MEAF6: variants seen among roughly 807,000 people sequenced by gnomAD.
The protein encoded by MEAF6 is chromatin modification-related protein MEAF6.
Under a neutral mutation model 28.9 loss-of-function variants are expected in MEAF6, and 15 were observed. The observed-to-expected ratio is 0.52, with a 90% CI of 0.35 to 0.80. MEAF6 has a LOEUF of 0.80. Among genes scored for constraint, MEAF6 ranks in the 30% least tolerant of loss-of-function variants. The pLI is 0.01. For synonymous variants in MEAF6, 97 were observed against 88.7 expected (o/e 1.09, Z -0.53); for missense variants, 178 against 237.5 (o/e 0.75, Z 1.65).
intron 5 of MEAF6, among the ~76,000 whole-genome samples, chr1:37,497,064 T>G (rs1176518021): frequency 6.6e-6 from 1 of 152,176 alleles, no homozygotes; most frequent in Non-Finnish European, 1.5e-5. Context: ...AATTAGGGCA[T>G]TAGAAGAAAC....
chr1:37,496,475 T>C (rs1642131400), intron 5 of MEAF6: 2 of 785,232 alleles, frequency 2.5e-6, no homozygotes, highest in Non-Finnish European at 3.6e-6. Context: ...AGGTTATCTA[T>C]TTTAAAAGAA....
rs546993660 is a variant in MEAF6, at chr1:37,499,295, T to A, written c.533+2509A>T. The stretch of plus-strand genomic sequence containing the variant: ...TACTCAAACATTTGCTGAAATAATT[T>A]ATTATTGACTCATCTCACTATATGG... On this transcript the variant is annotated intron_variant, in intron 5 of 6. Transcript: ENST00000296214. Among the ~76,000 whole-genome samples, 6 of 152,312 alleles carry A rather than the reference T, an allele frequency of 3.9e-5. No individual in the cohort carries two copies. The South Asian group carries it at 1.2e-3, about 32-fold the overall frequency.
chr1:37,498,872 C>T (rs189447857), intron 5 of MEAF6, among the ~76,000 whole-genome samples: 2 of 151,998 alleles, frequency 1.3e-5, no homozygotes, highest in African/African-American at 4.8e-5. Context: ...TATATTCTGG[C>T]GGGGTGTGGT....
At chr1:37,502,490 G>C (rs1001118570) in intron 4 of MEAF6, among the ~76,000 whole-genome samples, 16 of 151,458 alleles carry the variant, frequency 1.1e-4, no homozygotes, top group East Asian at 3.9e-4. Flanking sequence ...AAAAAAGGGG[G>C]GGCCAAAGAG....
At chr1:37,504,800 T>TACACAC (rs143477333) in intron 4 of MEAF6, among the ~76,000 whole-genome samples, 2,105 of 135,150 alleles carry the variant, frequency 0.016, 35 homozygotes, top group Non-Finnish European at 0.019. Context: ...AAAATTTATA[T>TACACAC]ACACACACAC....
intron 6 of MEAF6, 55 bp downstream of exon 6, chr1:37,495,830 T>C (rs1642116239): frequency 3.2e-6 from 5 of 1,568,692 alleles, no homozygotes; most frequent in Non-Finnish European, 3.5e-6. Flanking sequence ...AAATACATTT[T>C]TCTAATCATC....
At chr1:37,501,480 C>T (rs531273521) in intron 5 of MEAF6, 34 of 205,362 alleles carry the variant, frequency 1.7e-4, no homozygotes, top group Non-Finnish European at 2.8e-4. Flanking sequence ...TTTTCAAATA[C>T]TATTACACAG....
intron 2 of MEAF6, among the ~76,000 whole-genome samples, chr1:37,512,067 C>T (rs139933224): frequency 5.9e-5 from 9 of 152,124 alleles, no homozygotes; most frequent in Non-Finnish European, 1.2e-4. Context: ...ACTTTCAAAC[C>T]GTTAAGTGGG....
chr1:37,514,708 C>T lies in MEAF6; in HGVS notation c.39G>A (p.Pro13=). The change falls in exon 1 of 7, where the codon CCG becomes CCA. Residue 13 remains proline (P), a synonymous_variant. Transcript: ENST00000296214. ...GCTCCGCCAGCTCCCGCCGGGTGTC[C>T]GGGATCTGCGGCGGCGCCGCCTTGT... is the stretch of plus-strand genomic sequence containing the variant. The part of the protein sequence containing the change: ...MHNKAAPPQI[P]DTRRELAELV... The T allele has an allele frequency of 1.3e-6, 2 of 1,532,868 alleles. No individual in the cohort carries two copies. Among genetic ancestry groups the T allele is most frequent in the Non-Finnish European group, 8.7e-7 (1 of 1,143,534 alleles). 95.0% of individuals were successfully genotyped at this position (1,532,868 alleles called of 1,614,324 possible). A position where few individuals can be genotyped will look rare whatever the true frequency, so the allele number is the denominator to read the frequency against.
At chr1:37,502,449 T>C (rs1373097392) in intron 4 of MEAF6, among the ~76,000 whole-genome samples, 2 of 151,668 alleles carry the variant, frequency 1.3e-5, no homozygotes, top group Non-Finnish European at 2.9e-5. Context: ...TCTACAGTGA[T>C]GTACAAAAAA....
chr1:37,513,103 A>T (rs1220117480), intron 2 of MEAF6, among the ~76,000 whole-genome samples: 1 of 152,198 alleles, frequency 6.6e-6, no homozygotes, highest in Non-Finnish European at 1.5e-5. Context: ...AGAAAAAAAG[A>T]AAAGAAAAAT....
chr1:37,493,918 G>A lies in MEAF6; in HGVS notation c.*181C>T. 3 of 1,582,930 alleles carry A rather than the reference G, an allele frequency of 1.9e-6. No individual in the cohort carries two copies. ...AAAATGACATAAAGTAAGACCCAAT[G>A]TCTTACAGAAATGACTTGTTTGTCA... On this transcript the variant is annotated 3_prime_UTR_variant, in exon 7 of 7. Transcript: ENST00000296214.
intron 3 of MEAF6, 35 bp from the exon 4 acceptor site, chr1:37,509,358 C>A (rs767613210): frequency 2.5e-6 from 4 of 1,612,080 alleles, no homozygotes; most frequent in Non-Finnish European, 2.5e-6. Flanking sequence ...AGAAAAGTGA[C>A]CACAGACCTC....
chr1:37,495,062 C>T (rs1642070998), intron 6 of MEAF6, among the ~76,000 whole-genome samples: 1 of 150,918 alleles, frequency 6.6e-6, no homozygotes, highest in Non-Finnish European at 1.5e-5. Context: ...CGGCCGGGTG[C>T]GGTGGCTCAC....
At position 37,492,075 on chromosome 1, in the gene MEAF6, C is replaced by A. The variant is rs181494352; in HGVS notation, c.*2024G>T. ...ATGGAGTCTCGCTCTGTCGCCCAGGCTGGAGTGCAGTGGCACTATCTCAGC... is the reference window on the plus strand; with the variant it reads ...ATGGAGTCTCGCTCTGTCGCCCAGGATGGAGTGCAGTGGCACTATCTCAGC... On this transcript the variant is annotated 3_prime_UTR_variant, in exon 7 of 7. Coordinates refer to ENST00000296214, the MANE Select transcript of MEAF6 (RefSeq NM_001270875.3). Among the ~76,000 whole-genome samples, 708 of 151,744 alleles carry A rather than the reference C, an allele frequency of 4.7e-3. 4 individuals are homozygous for A. The highest frequency in any genetic ancestry group is 0.016 in the African/African-American group (662 of 41,342).
At chr1:37,498,263 T>A (rs1250253516) in intron 5 of MEAF6, among the ~76,000 whole-genome samples, 2 of 152,240 alleles carry the variant, frequency 1.3e-5, no homozygotes, top group Non-Finnish European at 2.9e-5. Flanking sequence ...TGTATGAAAC[T>A]AGGAATTATC....
chr1:37,493,878 G>A lies in MEAF6; in HGVS notation c.*221C>T. ...ATTACAACATTGTCTTCATCTTCCTGCAGTTCTGTTACTAAAAATGACATA... is the reference window on the plus strand; with the variant it reads ...ATTACAACATTGTCTTCATCTTCCTACAGTTCTGTTACTAAAAATGACATA... On this transcript the variant is annotated 3_prime_UTR_variant, in exon 7 of 7. Transcript: ENST00000296214. 6.4e-7 allele frequency: 1 copy of A among 1,561,832 alleles called. No individual in the cohort carries two copies. Among genetic ancestry groups the A allele is most frequent in the Non-Finnish European group, 8.7e-7 (1 of 1,155,182 alleles).
At chr1:37,509,659 A>C in intron 2 of MEAF6, 117 bp from the exon 3 acceptor site, 2 of 814,026 alleles carry the variant, frequency 2.5e-6, no homozygotes, top group Non-Finnish European at 2.0e-6. Context: ...ACTGGCCCAA[A>C]CGACCTTTAT....
intron 2 of MEAF6, among the ~76,000 whole-genome samples, chr1:37,510,990 G>C (rs996280666): frequency 3.3e-5 from 5 of 152,198 alleles, no homozygotes; most frequent in Admixed American, 6.5e-5. Flanking sequence ...AAAGTGCTGA[G>C]ATTACAGGCG....
Sources: allele counts gnomAD v4.1 joint callset (sites outside exome capture counted in the v4.1 genomes callset), GRCh38; gene constraint gnomAD v4.1.1; transcripts MANE v1.5; gene names NCBI Gene and HGNC (gene_info 2026-07-23, HGNC 2026-07-21).